MCPH1: variants seen among roughly 807,000 people sequenced by gnomAD.
The protein encoded by MCPH1 is microcephalin.
Under a neutral mutation model 84.5 loss-of-function variants are expected in MCPH1, and 104 were observed. The observed-to-expected ratio is 1.23, with a 90% CI of 1.05 to 1.45. The LOEUF (loss-of-function observed/expected upper bound fraction) is 1.45, where lower values mean the gene tolerates loss of function less well. Ranked by LOEUF, MCPH1 falls within the 40% of genes most tolerant of loss-of-function variation. The pLI is 0.00. For missense variants in MCPH1, 1,498 were observed against 1,005.7 expected, an observed-to-expected ratio of 1.49 and a Z score of -6.62; for synonymous variants, 514 against 366.8, an observed-to-expected ratio of 1.40 and a Z score of -4.58.
intron 4 of MCPH1, among the ~76,000 whole-genome samples, chr8:6,435,732 TTGG>T (rs1344114942): frequency 6.6e-6 from 1 of 152,184 alleles, no homozygotes; most frequent in Non-Finnish European, 1.5e-5. Flanking sequence ...TTGGGCTGGT[TTGG>T]TGGTAAGAAC....
At chr8:6,421,312 A>G (rs1408739140) in intron 3 of MCPH1, among the ~76,000 whole-genome samples, 1 of 152,158 alleles carries the variant, frequency 6.6e-6, no homozygotes, top group Admixed American at 6.5e-5. Context: ...CAATGTGATA[A>G]TTGTTGAGCT....
intron 12 of MCPH1, among the ~76,000 whole-genome samples, chr8:6,517,894 A>G (rs951646398): frequency 5.9e-5 from 9 of 152,258 alleles, no homozygotes; most frequent in African/African-American, 1.7e-4. Flanking sequence ...GACACCACTT[A>G]TTTTTCAAGA....
At chr8:6,421,127 G>A (rs1197632308) in intron 3 of MCPH1, among the ~76,000 whole-genome samples, 2 of 152,204 alleles carry the variant, frequency 1.3e-5, no homozygotes, top group African/African-American at 2.4e-5. Flanking sequence ...TTGTGTGGGT[G>A]CCCATCTGAA....
chr8:6,456,727 C>T (rs1341973180), intron 9 of MCPH1, among the ~76,000 whole-genome samples: 1 of 151,632 alleles, frequency 6.6e-6, no homozygotes, highest in East Asian at 1.9e-4. Flanking sequence ...AAAAATACTC[C>T]GTCCTGTCTG....
chr8:6,556,474 C>T (rs28483192), intron 12 of MCPH1, among the ~76,000 whole-genome samples: 5,551 of 149,362 alleles, frequency 0.037, 176 homozygotes, highest in African/African-American at 0.087. Context: ...CCCTCACACG[C>T]CTGACTCCCT....
intron 11 of MCPH1, among the ~76,000 whole-genome samples, chr8:6,494,859 T>C (rs892532836): frequency 1.3e-5 from 2 of 152,184 alleles, no homozygotes; most frequent in African/African-American, 2.4e-5. Context: ...TAAAATGCCA[T>C]TGAATTGCAC....
chr8:6,520,805 G>T lies in MCPH1; in HGVS notation c.2214+20876G>T, dbSNP rs115462722. ...GAACTAGCATCTCTTAAGTGCCATT[G>T]TATTATCTCATTTAATCTTAATGGC... On this transcript the variant is annotated intron_variant, in intron 12 of 13. Transcript: ENST00000344683. 9.6e-3 allele frequency among the ~76,000 whole-genome samples: 1,466 copies of T among 152,256 alleles called. 19 individuals carry two copies. Among genetic ancestry groups the T allele is most frequent in the African/African-American group, 0.034 (1,396 of 41,558 alleles).
At chr8:6,485,776 C>T (rs981211302) in intron 11 of MCPH1, among the ~76,000 whole-genome samples, 2 of 152,000 alleles carry the variant, frequency 1.3e-5, no homozygotes, top group African/African-American at 4.8e-5. Context: ...TGATGGCAGT[C>T]AGGTATATCA....
At chr8:6,537,794 G>C (rs1820775761) in intron 12 of MCPH1, among the ~76,000 whole-genome samples, 2 of 152,012 alleles carry the variant, frequency 1.3e-5, no homozygotes, top group Admixed American at 1.3e-4. Context: ...GCTCAGTAAA[G>C]GAAAACATAG....
chr8:6,463,117 T>C (rs1806466214), intron 9 of MCPH1, among the ~76,000 whole-genome samples: 1 of 152,192 alleles, frequency 6.6e-6, no homozygotes, highest in African/African-American at 2.4e-5. Flanking sequence ...TTCTAAAAGC[T>C]CCTTCAGTGA....
At position 6,646,479 on chromosome 8, in the gene MCPH1, C is replaced by G. The variant is rs1798220774; in HGVS notation, c.*3430C>G. The G allele has an allele frequency of 6.6e-6, 1 of 152,078 alleles. No homozygotes were observed. The highest frequency in any genetic ancestry group is 2.1e-4 in the South Asian group (1 of 4,824). 9.4% of individuals were successfully genotyped at this position (152,078 alleles called of 1,614,324 possible). A position where few individuals can be genotyped will look rare whatever the true frequency, so the allele number is the denominator to read the frequency against. On this transcript the variant is annotated 3_prime_UTR_variant, in exon 14 of 14. Coordinates refer to ENST00000344683, the MANE Select transcript of MCPH1 (RefSeq NM_024596.5). ...ATATTTATGGCTGATTGACTTTGAA[C>G]AAAGGTGACGAGGCAAGTCAGTATA...
At chr8:6,618,417 A>G (rs553655749) in intron 12 of MCPH1, 1 of 152,246 alleles carries the variant, frequency 6.6e-6, no homozygotes, top group Non-Finnish European at 1.5e-5. Flanking sequence ...GTCACATCCT[A>G]AACATTCGAG....
intron 12 of MCPH1, chr8:6,503,022 G>T: frequency 6.5e-7 from 1 of 1,542,652 alleles, no homozygotes; most frequent in South Asian, 1.2e-5. Context: ...AGGACACAGT[G>T]CGCAGCCGTG....
In MCPH1 at chr8:6,488,611, C is replaced by T. The variant is rs371416913; in HGVS notation, c.2136+7735C>T. 1.6e-4 allele frequency among the ~76,000 whole-genome samples: 24 copies of T among 152,240 alleles called. No homozygotes were observed. The East Asian group carries it at 1.7e-3, about 11-fold the overall frequency. On this transcript the variant is annotated intron_variant, in intron 11 of 13. Coordinates refer to ENST00000344683, the MANE Select transcript of MCPH1 (RefSeq NM_024596.5). Reference sequence around the variant, plus strand: ...CACCTGGCACAGAAAAGGCAGTGCCCGGGTCCTAAGGCTGCACCTTTGCAA... The same window carrying T: ...CACCTGGCACAGAAAAGGCAGTGCCTGGGTCCTAAGGCTGCACCTTTGCAA...
chr8:6,447,330 G>A, intron 8 of MCPH1: 1 of 985,296 alleles, frequency 1.0e-6, no homozygotes, highest in Non-Finnish European at 1.2e-6. Context: ...GTGAAATTAT[G>A]GAGGGGTGAA....
chr8:6,592,614 C>CTTTTTTTTTTTTTTT lies in MCPH1; in HGVS notation c.2215-28832_2215-28831insTTTTTTTTTTTTTTT, dbSNP rs1252024553. Among the ~76,000 whole-genome samples, 23 of 65,518 alleles carry CTTTTTTTTTTTTTTT rather than the reference C, an allele frequency of 3.5e-4. 4 individuals carry two copies. Among genetic ancestry groups the CTTTTTTTTTTTTTTT allele is most frequent in the South Asian group, 5.5e-4 (1 of 1,826 alleles). The allele number at this position is 65,518 out of a possible 152,430, so 43.0% of individuals were successfully genotyped here. A position where few individuals can be genotyped will look rare whatever the true frequency, so the allele number is the denominator to read the frequency against. On this transcript the variant is annotated intron_variant, in intron 12 of 13. Coordinates refer to ENST00000344683, the MANE Select transcript of MCPH1 (RefSeq NM_024596.5). ...GTCATCTAGGCTCTCGTTTTTCTTT[C>CTTTTTTTTTTTTTTT]TTTTTTTTGTTTTTTTTTTTTTTTT...
intron 4 of MCPH1, 53 bp downstream of exon 4, chr8:6,431,639 T>A: frequency 8.2e-7 from 1 of 1,216,944 alleles, no homozygotes; most frequent in Non-Finnish European, 1.2e-6. Context: ...TATTCGTTTT[T>A]ATTTTTTATT....
intron 12 of MCPH1, among the ~76,000 whole-genome samples, chr8:6,531,293 CTTT>C (rs112161330): frequency 2.1e-5 from 3 of 142,374 alleles, no homozygotes; most frequent in Non-Finnish European, 4.6e-5. Context: ...TTCTTTCTTT[CTTT>C]TTTTTTTTTT....
At chr8:6,446,527 T>G in intron 8 of MCPH1, 3 of 984,324 alleles carry the variant, frequency 3.0e-6, no homozygotes, top group Non-Finnish European at 3.6e-6. Context: ...TATTTATATC[T>G]TGGCTTTCTG....
Sources: allele counts gnomAD v4.1 joint callset (sites outside exome capture counted in the v4.1 genomes callset), GRCh38; gene constraint gnomAD v4.1.1; transcripts MANE v1.5; gene names NCBI Gene and HGNC (gene_info 2026-07-23, HGNC 2026-07-21).